ZMYM2: variants seen among roughly 807,000 people sequenced by gnomAD.
The protein encoded by ZMYM2 is zinc finger MYM-type containing 2, also known as zinc finger MYM-type protein 2.
In ZMYM2, 56 loss-of-function variants were observed where a neutral mutation model predicts 162.8. That is an observed-to-expected ratio of 0.34 (90% CI 0.28 to 0.43). The LOEUF is 0.43. ZMYM2 is among the 20% of genes least tolerant of loss of function. The pLI is 1.00. For synonymous variants in ZMYM2, 510 were observed against 541.6 expected (o/e 0.94, Z 0.81); for missense variants, 1,275 against 1,621.8 (o/e 0.79, Z 3.67).
the ZMYM2 span, among the ~76,000 whole-genome samples, chr13:19,943,392 G>A: frequency 6.6e-6 from 1 of 152,042 alleles, no homozygotes; most frequent in African/African-American, 2.4e-5. Context: ...TTGGGGGTGG[G>A]ACACAATTAA....
chr13:20,004,716 T>C (rs1211238536), intron 4 of ZMYM2, among the ~76,000 whole-genome samples: 1 of 152,216 alleles, frequency 6.6e-6, no homozygotes, highest in Non-Finnish European at 1.5e-5. Flanking sequence ...TTTCTACTTA[T>C]CCAGGGGAGG....
chr13:19,945,448 C>T, the ZMYM2 span, among the ~76,000 whole-genome samples: 3 of 151,922 alleles, frequency 2.0e-5, no homozygotes, highest in Non-Finnish European at 2.9e-5. Context: ...GACGGGGTTT[C>T]ACCATGTTAC....
rs759658185 is a variant in ZMYM2, at chr13:20,036,816, A to G, written c.2199A>G (p.Leu733=). Residue 733 remains leucine, a synonymous_variant, in exon 12 of 25, where the codon CTA becomes CTG. Transcript: ENST00000610343. The stretch of plus-strand genomic sequence containing the variant: ...TTACTTGCAACTATTGTTCTCAGCT[A>G]TGTAAGAAGGGAGCAACTAAAGAAC... The part of the protein sequence containing the change: ...RCVTCNYCSQ[L]CKKGATKELD... 2.0e-5 allele frequency: 32 copies of G among 1,609,306 alleles called. 1 individual carries two copies. The highest frequency in any genetic ancestry group is 1.8e-4 in the South Asian group (16 of 90,032).
At chr13:19,971,244 G>GTGTGTGTATA (rs5802035) in intron 2 of ZMYM2, among the ~76,000 whole-genome samples, 4 of 50,134 alleles carry the variant, frequency 8.0e-5, no homozygotes, top group Non-Finnish European at 1.2e-4. Flanking sequence ...GTGTGTGTGT[G>GTGTGTGTATA]TATATATATA....
At chr13:19,874,327 C>A in the ZMYM2 span, among the ~76,000 whole-genome samples, 1 of 152,146 alleles carries the variant, frequency 6.6e-6, no homozygotes, top group East Asian at 1.9e-4. Context: ...TCAAGGGATC[C>A]TCCCACCTCA....
chr13:19,917,004 C>G, the ZMYM2 span, among the ~76,000 whole-genome samples: 6 of 152,170 alleles, frequency 3.9e-5, no homozygotes, highest in East Asian at 1.2e-3. Context: ...GCTCTGTCGC[C>G]CAGGTTGGAG....
At chr13:19,935,018 C>T in the ZMYM2 span, among the ~76,000 whole-genome samples, 2 of 152,166 alleles carry the variant, frequency 1.3e-5, no homozygotes, top group South Asian at 2.1e-4. Flanking sequence ...CTGCCCACCT[C>T]GGCCTCCCAA....
intron 16 of ZMYM2, among the ~76,000 whole-genome samples, chr13:20,060,343 G>C (rs1285810727): frequency 6.6e-6 from 1 of 152,144 alleles, no homozygotes; most frequent in Non-Finnish European, 1.5e-5. Flanking sequence ...GTCTGTGCCT[G>C]CTCTGTGCAT....
At chr13:19,948,249 A>ATCC in the ZMYM2 span, among the ~76,000 whole-genome samples, 1 of 152,206 alleles carries the variant, frequency 6.6e-6, no homozygotes, top group Admixed American at 6.5e-5. Flanking sequence ...TCTCCTTGGC[A>ATCC]TTTGCCCAAA....
chr13:20,042,007 A>G (rs544705736), intron 12 of ZMYM2, among the ~76,000 whole-genome samples: 10 of 152,188 alleles, frequency 6.6e-5, no homozygotes, highest in East Asian at 1.9e-4. Context: ...TTTCATTTCA[A>G]CCTTGGAGTA....
At position 20,082,101 on chromosome 13, in the gene ZMYM2, G is replaced by A. The variant is rs1272256897; in HGVS notation, c.3539G>A (p.Arg1180Gln). 9 of 1,604,766 alleles carry A rather than the reference G, an allele frequency of 5.6e-6. No homozygotes were observed. The highest frequency in any genetic ancestry group is 7.6e-6 in the Non-Finnish European group (9 of 1,176,944). The change falls in exon 22 of 25, where the codon CGA (arginine) becomes CAA (glutamine). Residue 1180 changes from arginine (R) to glutamine (Q), a missense_variant. By Grantham distance (43) the Arg-to-Gln change is conservative (BLOSUM62 1). Coordinates refer to ENST00000610343, the MANE Select transcript of ZMYM2 (RefSeq NM_197968.4). Reference sequence around the variant, plus strand: ...GAGCAAGAATTGAATAAAATACTGCGAAGCTGGCAACCAAGCATACTTCCA... The same window carrying A: ...GAGCAAGAATTGAATAAAATACTGCAAAGCTGGCAACCAAGCATACTTCCA... ...TFEQELNKIL[R>Q]SWQPSILPDG...
chr13:20,060,678 CAA>C (rs34103324), intron 16 of ZMYM2, among the ~76,000 whole-genome samples: 1 of 117,768 alleles, frequency 8.5e-6, no homozygotes, highest in African/African-American at 3.1e-5. Flanking sequence ...AATTCCATCT[CAA>C]AAAAAAAAAA....
the ZMYM2 span, among the ~76,000 whole-genome samples, chr13:19,947,228 T>A: frequency 6.7e-6 from 1 of 149,464 alleles, no homozygotes; most frequent in African/African-American, 2.5e-5. Context: ...GCCCGGCTAA[T>A]TTTTTGTATT....
intron 2 of ZMYM2, among the ~76,000 whole-genome samples, chr13:19,975,608 G>A (rs1000444374): frequency 9.9e-5 from 15 of 152,160 alleles, no homozygotes; most frequent in African/African-American, 3.1e-4. Context: ...TTTGGCCGTT[G>A]TGAAAATGCT....
At position 20,051,587 on chromosome 13, in the gene ZMYM2, A is replaced by G. The variant is rs763468493; in HGVS notation, c.2447A>G (p.Asn816Ser). Residue 816 changes from asparagine to serine, a missense_variant, in exon 13 of 25, where the codon AAC (asparagine) becomes AGC (serine). Asn to Ser is a conservative substitution (Grantham distance 46, BLOSUM62 1). Transcript: ENST00000610343. ...ATGACAACTCAGAAAGGACCTGAAA[A>G]CTTACATTATGGTATGTAATGATTT... ...PNMTTQKGPE[N>S]LHYDQGCQTS... 1 of 1,611,732 alleles carries G rather than the reference A, an allele frequency of 6.2e-7. No individual in the cohort carries two copies. The highest frequency in any genetic ancestry group is 8.5e-7 in the Non-Finnish European group (1 of 1,178,918).
At chr13:19,955,005 T>A (rs1954479354), upstream of ZMYM2, among the ~76,000 whole-genome samples, 1 of 151,866 alleles carries the variant, frequency 6.6e-6, no homozygotes, top group Admixed American at 6.6e-5. Flanking sequence ...AGAGATGGGG[T>A]TTTACCATGT....
At chr13:19,926,454 T>G in the ZMYM2 span, among the ~76,000 whole-genome samples, 1 of 150,132 alleles carries the variant, frequency 6.7e-6, no homozygotes, top group Non-Finnish European at 1.5e-5. Context: ...GCCCCCACCT[T>G]CAGGGTTCAA....
chr13:20,044,213 G>A (rs1397700402), intron 12 of ZMYM2, among the ~76,000 whole-genome samples: 1 of 152,186 alleles, frequency 6.6e-6, no homozygotes, highest in Non-Finnish European at 1.5e-5. Context: ...CAGATCAGCT[G>A]GCTTGCTGCC....
intron 24 of ZMYM2, among the ~76,000 whole-genome samples, chr13:20,085,419 T>C (rs574576982): frequency 1.1e-4 from 16 of 152,338 alleles, no homozygotes; most frequent in African/African-American, 3.6e-4. Flanking sequence ...TGTAGTGCTG[T>C]AAGAATTTTT....
Sources: allele counts gnomAD v4.1 joint callset (sites outside exome capture counted in the v4.1 genomes callset), GRCh38; gene constraint gnomAD v4.1.1; transcripts MANE v1.5; gene names NCBI Gene and HGNC (gene_info 2026-07-23, HGNC 2026-07-21).